The following SNED1 variants were observed in gnomAD, a reference collection of about 807,000 sequenced individuals.
The protein encoded by SNED1 is sushi, nidogen and EGF-like domain-containing protein 1.
A neutral mutation model predicts 166.7 loss-of-function variants in SNED1; 81 were observed. The observed-to-expected ratio is 0.49, with a 90% confidence interval of 0.41 to 0.58. The LOEUF (loss-of-function observed/expected upper bound fraction) is 0.58. SNED1 is among the 20% of genes least tolerant of loss of function. The probability of loss-of-function intolerance (pLI) is 0.00; values close to 1 mark genes in which losing one functional copy is unlikely to be tolerated. For missense variants in SNED1, 1,604 were observed against 2,000.2 expected (o/e 0.80, Z 3.78); for synonymous variants, 762 against 822.0 (o/e 0.93, Z 1.25).
Position 240,999,988 on chromosome 2 carries a change from C to T in SNED1, c.213+938C>T, listed in dbSNP as rs1055967602. ...TCCACCATCAGCCCTCTCATACCCT[C>T]GCCCACCTCCAGCCTCAACCCACTG... is the stretch of plus-strand genomic sequence containing the variant. On this transcript the variant is annotated intron_variant, in intron 1 of 31. Coordinates refer to ENST00000310397, the MANE Select transcript of SNED1 (RefSeq NM_001080437.3). The surrounding 1 kb of genome is among the most constrained non-coding windows in gnomAD (Gnocchi z 5.8). Among the ~76,000 whole-genome samples the T allele has an allele frequency of 3.3e-5, 5 of 152,240 alleles. No individual in the cohort carries two copies. Among genetic ancestry groups the T allele is most frequent in the South Asian group, 2.1e-4 (1 of 4,832 alleles).
In SNED1 at chr2:241,068,215, G is replaced by A. The variant is rs183631936; in HGVS notation, c.3194+268G>A. 1.3e-4 allele frequency among the ~76,000 whole-genome samples: 20 copies of A among 152,252 alleles called. No individual in the cohort carries two copies. Among genetic ancestry groups the A allele is most frequent in the Non-Finnish European group, 2.1e-4 (14 of 68,016 alleles). On this transcript the variant is annotated intron_variant, in intron 22 of 31. Coordinates refer to ENST00000310397, the MANE Select transcript of SNED1 (RefSeq NM_001080437.3). The surrounding 1 kb of genome is among the most constrained non-coding windows in gnomAD (Gnocchi z 5.3). ...AGAGCAGGAAAAGCTCAGAAAATCC[G>A]GGGGCACACTTTCCACACAGATCAT...
chr2:241,018,954 G>A lies in SNED1; in HGVS notation c.214-11330G>A, dbSNP rs375859391. Among the ~76,000 whole-genome samples, 8 of 152,328 alleles carry A rather than the reference G, an allele frequency of 5.3e-5. No homozygotes were observed. The highest frequency in any genetic ancestry group is 1.9e-4 in the African/African-American group (8 of 41,586). On this transcript the variant is annotated intron_variant, in intron 1 of 31. Coordinates refer to ENST00000310397, the MANE Select transcript of SNED1 (RefSeq NM_001080437.3). This position sits in a 1 kb window ranked among gnomAD's most constrained non-coding sequence, Gnocchi z 5.4. The stretch of plus-strand genomic sequence containing the variant: ...GGCCAAACCTCAAGGCTTCCAGGTA[G>A]GTCTGTGTCACCCCGCAGAGGCCCC...
At chr2:241,090,253 A>C (rs1227311744) in intron 31 of SNED1, 1 of 1,515,106 alleles carries the variant, frequency 6.6e-7, no homozygotes, top group South Asian at 1.2e-5. Context: ...CTAAGACACA[A>C]ACACACACAT....
At chr2:241,050,586 G>A (rs1036604635) in intron 12 of SNED1, among the ~76,000 whole-genome samples, 1 of 152,172 alleles carries the variant, frequency 6.6e-6, no homozygotes, top group Non-Finnish European at 1.5e-5. Context: ...CCTTGTCCCT[G>A]AGGGAAAGAC....
intron 31 of SNED1, chr2:241,089,324 G>A: frequency 1.3e-6 from 2 of 1,550,450 alleles, no homozygotes; most frequent in Non-Finnish European, 1.7e-6. Context: ...GCACCCTTGG[G>A]TAACAAGCCA....
rs573559894 is a variant in SNED1, at chr2:241,078,071, C to T, written c.3917-3606C>T. The stretch of plus-strand genomic sequence containing the variant: ...ACAAAAGCCAGAAAGTAGAAACCAC[C>T]AAAGTGTCAATCAACTAACGAAAGG... On this transcript the variant is annotated intron_variant, in intron 27 of 31. Coordinates refer to ENST00000310397, the MANE Select transcript of SNED1 (RefSeq NM_001080437.3). Among the ~76,000 whole-genome samples the T allele has an allele frequency of 2.8e-4, 42 of 152,256 alleles. No homozygotes were observed. In the South Asian group the frequency reaches 8.5e-3, roughly 31 times the overall value.
At chr2:241,048,825 G>T in intron 10 of SNED1, 59 bp downstream of exon 10, 2 of 1,429,084 alleles carry the variant, frequency 1.4e-6, no homozygotes, top group Non-Finnish European at 9.7e-7. Flanking sequence ...ATCGGGAAAT[G>T]AATGGTGGCT....
chr2:241,000,747 C>A (rs1231799019), intron 1 of SNED1, among the ~76,000 whole-genome samples: 1 of 152,250 alleles, frequency 6.6e-6, no homozygotes, highest in African/African-American at 2.4e-5. Flanking sequence ...CTTCTGGCTG[C>A]TAACAAAACA....
intron 24 of SNED1, among the ~76,000 whole-genome samples, chr2:241,070,563 C>T (rs2062656168): frequency 2.0e-5 from 3 of 152,298 alleles, no homozygotes; most frequent in South Asian, 2.1e-4. Context: ...GCCTGACCCA[C>T]GAAGAGCCAC....
At chr2:241,008,569 G>A (rs1259901391) in intron 1 of SNED1, among the ~76,000 whole-genome samples, 3 of 152,224 alleles carry the variant, frequency 2.0e-5, no homozygotes, top group Non-Finnish European at 2.9e-5. Context: ...GTCTGTCTGC[G>A]ACCAGGCAGG....
At chr2:241,050,338 T>C (rs2061799303) in intron 12 of SNED1, among the ~76,000 whole-genome samples, 1 of 152,240 alleles carries the variant, frequency 6.6e-6, no homozygotes, top group Non-Finnish European at 1.5e-5. Context: ...GTAAGCACAC[T>C]GCAGGCGTAG....
At chr2:241,016,036 A>G (rs961624677) in intron 1 of SNED1, 3 of 152,188 alleles carry the variant, frequency 2.0e-5, no homozygotes, top group African/African-American at 7.2e-5. Flanking sequence ...TTGGTCATTT[A>G]AATTAATCAA....
intron 30 of SNED1, chr2:241,087,676 C>A: frequency 1.5e-6 from 2 of 1,372,238 alleles, no homozygotes; most frequent in Non-Finnish European, 1.9e-6. Flanking sequence ...CCCAGAGGGG[C>A]ACAGCCGGGC....
intron 31 of SNED1, chr2:241,088,669 T>G: frequency 2.1e-6 from 1 of 473,208 alleles, no homozygotes; most frequent in Non-Finnish European, 3.7e-6. Context: ...TCCCACTCTC[T>G]CTCAAGGGAA....
Position 241,013,288 on chromosome 2 carries a change from A to G in SNED1, c.213+14238A>G, listed in dbSNP as rs559209086. 2.0e-5 allele frequency among the ~76,000 whole-genome samples: 3 copies of G among 151,960 alleles called. No homozygotes were observed. In the East Asian group the frequency reaches 5.8e-4, roughly 30 times the overall value. On this transcript the variant is annotated intron_variant, in intron 1 of 31. Transcript: ENST00000310397. The surrounding 1 kb of genome is among the most constrained non-coding windows in gnomAD (Gnocchi z 4.6). Reference sequence around the variant, plus strand: ...CATCCTTCTACTCTCTGCTTCTATGAACTCAACTTAATTTTCATTTTATTT... The same window carrying G: ...CATCCTTCTACTCTCTGCTTCTATGGACTCAACTTAATTTTCATTTTATTT...
intron 1 of SNED1, among the ~76,000 whole-genome samples, chr2:241,001,975 G>C (rs1341863878): frequency 6.6e-6 from 1 of 152,144 alleles, no homozygotes; most frequent in Admixed American, 6.5e-5. Context: ...GAGGCTTCGT[G>C]CCACACCGCA....
chr2:241,049,275 C>G (rs1012047704), intron 11 of SNED1, 140 bp downstream of exon 11: 4 of 635,118 alleles, frequency 6.3e-6, no homozygotes, highest in African/African-American at 5.5e-5. Context: ...GGAAGCCTCT[C>G]TCAATAGCCT....
chr2:241,033,951 T>C, intron 3 of SNED1, 76 bp downstream of exon 3: 2 of 1,491,004 alleles, frequency 1.3e-6, no homozygotes, highest in Non-Finnish European at 1.8e-6. Flanking sequence ...GCTGATGAGG[T>C]AGGCAGGGGC....
chr2:241,022,488 TC>T (rs2060803213), intron 1 of SNED1, among the ~76,000 whole-genome samples: 1 of 152,134 alleles, frequency 6.6e-6, no homozygotes, highest in Non-Finnish European at 1.5e-5. Context: ...TACTGTTCTT[TC>T]CCCCACTGAA....
Sources: allele counts gnomAD v4.1 joint callset (sites outside exome capture counted in the v4.1 genomes callset), GRCh38; gene constraint gnomAD v4.1.1; non-coding constraint Gnocchi (gnomAD v3.1); transcripts MANE v1.5; gene names NCBI Gene and HGNC (gene_info 2026-07-23, HGNC 2026-07-21).